Variants in YIF1B observed in about 807,000 individuals in gnomAD.
YIF1B encodes the protein protein YIF1B.
A neutral mutation model predicts 34.6 loss-of-function variants in YIF1B; 24 were observed. The observed-to-expected ratio is 0.69, with a 90% CI of 0.50 to 0.98. The LOEUF (loss-of-function observed/expected upper bound fraction) is 0.98, where lower values mean the gene tolerates loss of function less well. Among genes scored for constraint, YIF1B ranks in the 50% least tolerant of loss-of-function variants. The pLI, the probability that YIF1B is intolerant of heterozygous loss-of-function variation, is 0.00. For synonymous variants in YIF1B, 186 were observed against 184.8 expected (o/e 1.01, Z -0.05); for missense variants, 368 against 429.4 (o/e 0.86, Z 1.26).
chr19:38,317,870 G>A (rs1313035887), upstream of YIF1B, among the ~76,000 whole-genome samples: 1 of 150,622 alleles, frequency 6.6e-6, no homozygotes, highest in Admixed American at 6.6e-5. Context: ...ATGAAACACC[G>A]CACCCAGCCT....
upstream of YIF1B, among the ~76,000 whole-genome samples, chr19:38,316,311 G>T (rs937901572): frequency 6.6e-6 from 1 of 151,674 alleles, no homozygotes; most frequent in Non-Finnish European, 1.5e-5. Context: ...TTCGAGACTA[G>T]CCTGAGCAAC....
At chr19:38,316,959 C>T (rs1969572549), upstream of YIF1B, among the ~76,000 whole-genome samples, 2 of 152,156 alleles carry the variant, frequency 1.3e-5, no homozygotes, top group African/African-American at 4.8e-5. Flanking sequence ...CAGTGCCCGG[C>T]CTTAAAGTGA....
In YIF1B at chr19:38,304,871, C is replaced by A. The variant is rs7248001; in HGVS notation, c.*481G>T. ...CCCACGCTGCTGGCTCCAAGCAGCA[C>A]GAGAGCATCCCGGGCAAGGCCAAGA... On this transcript the variant is annotated 3_prime_UTR_variant, in exon 8 of 8. Coordinates refer to ENST00000339413, the MANE Select transcript of YIF1B (RefSeq NM_001039672.3). 1.2e-6 allele frequency: 2 copies of A among 1,613,662 alleles called. No homozygotes were observed. Among genetic ancestry groups the A allele is most frequent in the Middle Eastern group, 1.7e-4 (1 of 6,058 alleles).
rs1185535389 is a variant in YIF1B, at chr19:38,304,253, C to T, written c.*1099G>A. On this transcript the variant is annotated 3_prime_UTR_variant, in exon 8 of 8. Coordinates refer to ENST00000339413, the MANE Select transcript of YIF1B (RefSeq NM_001039672.3). ...CCCTTGGCCTTAGGACCCAACTTCT[C>T]TTACCGCCATGGAGTTCGACCTGGG... The T allele has an allele frequency of 6.2e-7, 1 of 1,613,548 alleles. No homozygotes were observed. Among genetic ancestry groups the T allele is most frequent in the African/African-American group, 1.3e-5 (1 of 74,934 alleles).
In YIF1B at chr19:38,309,004, G is replaced by A. The variant is rs1352838402; in HGVS notation, c.456C>T (p.Val152=). Residue 152 remains valine, a synonymous_variant, in exon 4 of 8, where the codon GTC becomes GTT. Coordinates refer to ENST00000339413, the MANE Select transcript of YIF1B (RefSeq NM_001039672.3). ...CTGGAATGTAGAGGTCCGGGGCATT[G>A]ACGTCAAAGCGGGGGGCCACCGGGG... ...QDTPVAPRFD[V]NAPDLYIPAM... 9.5e-6 allele frequency: 15 copies of A among 1,582,890 alleles called. No individual in the cohort carries two copies. The highest frequency in any genetic ancestry group is 1.1e-5 in the South Asian group (1 of 87,588).
At chr19:38,318,976 C>T (rs1439059815), upstream of YIF1B, among the ~76,000 whole-genome samples, 1 of 152,082 alleles carries the variant, frequency 6.6e-6, no homozygotes, top group Admixed American at 6.6e-5. Flanking sequence ...TCAGCTAGCC[C>T]CTTCCTCAGG....
In YIF1B at chr19:38,303,829, G is replaced by A. The variant is rs565354207; in HGVS notation, c.*1523C>T. ...CTCAGACGCTGCTCACCAAGCCGGA[G>A]GGGCTGTGGGAGCGAGTTAGAACAC... On this transcript the variant is annotated 3_prime_UTR_variant, in exon 8 of 8. Transcript: ENST00000339413. Among the ~76,000 whole-genome samples, 13 of 152,360 alleles carry A rather than the reference G, an allele frequency of 8.5e-5. No homozygotes were observed. The highest frequency in any genetic ancestry group is 8.5e-4 in the Admixed American group (13 of 15,304).
Position 38,305,327 on chromosome 19 carries a change from G to GCAT in YIF1B, c.*24_*25insATG. ...ACAGTGGCCCCCAGCAGCAGCAGCA[G>GCAT]CAGCGGGAGGTTCAGCGGGCGCGCT... is the stretch of plus-strand genomic sequence containing the variant. On this transcript the variant is annotated 3_prime_UTR_variant, in exon 8 of 8. Coordinates refer to ENST00000339413, the MANE Select transcript of YIF1B (RefSeq NM_001039672.3). 6.3e-7 allele frequency: 1 copy of GCAT among 1,591,778 alleles called. No homozygotes were observed. The highest frequency in any genetic ancestry group is 8.6e-7 in the Non-Finnish European group (1 of 1,165,818).
At chr19:38,316,244 G>A (rs1969548172), upstream of YIF1B, among the ~76,000 whole-genome samples, 1 of 152,130 alleles carries the variant, frequency 6.6e-6, no homozygotes, top group Non-Finnish European at 1.5e-5. Flanking sequence ...CGGGGCTCAC[G>A]CCCCTAACTC....
chr19:38,315,202 G>A (rs938913762), intron 1 of YIF1B, among the ~76,000 whole-genome samples: 2 of 149,186 alleles, frequency 1.3e-5, no homozygotes, highest in African/African-American at 2.5e-5. Context: ...CTGAGATCGC[G>A]CCATTGCACT....
upstream of YIF1B, chr19:38,320,038 G>T: frequency 6.7e-7 from 1 of 1,500,798 alleles, no homozygotes; most frequent in East Asian, 2.7e-5. Flanking sequence ...GCGGCTGGAG[G>T]GGCCGCACGA....
chr19:38,307,694 C>G lies in YIF1B; in HGVS notation c.598G>C (p.Glu200Gln), dbSNP rs750308729. 6.2e-7 allele frequency: 1 copy of G among 1,613,368 alleles called. No individual in the cohort carries two copies. Among genetic ancestry groups the G allele is most frequent in the South Asian group, 1.1e-5 (1 of 91,080 alleles). The change falls in exon 6 of 8, where the codon GAG (glutamate) becomes CAG (glutamine). Residue 200 changes from glutamate (E) to glutamine (Q), a missense_variant. This residue lies in a region of YIF1B where 208 missense variants were observed against 247.8 expected (regional missense o/e 0.84). Transcript: ENST00000339413. ...AGGCTGAGCAGGATGGCCAGCACCT[C>G]CAGGGTCAGCCAGGCCAGGGCTGAG... ...ASSALAWLTL[E>Q]VLAILLSLYL...
At position 38,305,313 on chromosome 19, in the gene YIF1B, C is replaced by CA; in HGVS notation, c.*38dup. On this transcript the variant is annotated 3_prime_UTR_variant, in exon 8 of 8. Coordinates refer to ENST00000339413, the MANE Select transcript of YIF1B (RefSeq NM_001039672.3). The stretch of plus-strand genomic sequence containing the variant: ...TGAGTTCGGCGGCCACAGTGGCCCC[C>CA]AGCAGCAGCAGCAGCAGCGGGAGGT... The CA allele has an allele frequency of 1.4e-6, 2 of 1,444,334 alleles. No homozygotes were observed. Among genetic ancestry groups the CA allele is most frequent in the Non-Finnish European group, 1.9e-6 (2 of 1,079,354 alleles). 89.5% of individuals were successfully genotyped at this position (1,444,334 alleles called of 1,614,324 possible).
chr19:38,309,160 C>T, intron 3 of YIF1B, 64 bp downstream of exon 3: 5 of 1,592,658 alleles, frequency 3.1e-6, no homozygotes, highest in Non-Finnish European at 4.3e-6. Flanking sequence ...CACCATGCAC[C>T]TGCCCCCACC....
chr19:38,318,879 G>T (rs78919442), upstream of YIF1B, among the ~76,000 whole-genome samples: 973 of 152,246 alleles, frequency 6.4e-3, 13 homozygotes, highest in East Asian at 0.051. Context: ...CTTACGGGGG[G>T]GCGCAGAAAG....
Position 38,309,205 on chromosome 19 carries a change from T to C in YIF1B, c.402+19A>G, listed in dbSNP as rs566925322. ...CCCACAGGCCCACTGCAGACCCACA[T>C]TCCCCTGGGGGTGCTGACCTGGTGT... On this transcript the variant is annotated intron_variant, in intron 3 of 7. Transcript: ENST00000339413. 6.2e-7 allele frequency: 1 copy of C among 1,611,580 alleles called. No homozygotes were observed. The highest frequency in any genetic ancestry group is 1.1e-5 in the South Asian group (1 of 90,918).
In YIF1B at chr19:38,304,868, G is replaced by A. The variant is rs1156534826; in HGVS notation, c.*484C>T. The A allele has an allele frequency of 6.2e-7, 1 of 1,613,776 alleles. No homozygotes were observed. Among genetic ancestry groups the A allele is most frequent in the Non-Finnish European group, 8.5e-7 (1 of 1,180,002 alleles). ...AGTCCCACGCTGCTGGCTCCAAGCA[G>A]CACGAGAGCATCCCGGGCAAGGCCA... On this transcript the variant is annotated 3_prime_UTR_variant, in exon 8 of 8. Coordinates refer to ENST00000339413, the MANE Select transcript of YIF1B (RefSeq NM_001039672.3).
In YIF1B at chr19:38,305,618, G is replaced by A. The variant is rs898511530; in HGVS notation, c.790-111C>T. 3.5e-6 allele frequency: 5 copies of A among 1,408,804 alleles called. No individual in the cohort carries two copies. The African/African-American group carries it at 7.2e-5, about 20-fold the overall frequency. 87.3% of individuals were successfully genotyped at this position (1,408,804 alleles called of 1,614,324 possible). On this transcript the variant is annotated intron_variant, in intron 7 of 7. Coordinates refer to ENST00000339413, the MANE Select transcript of YIF1B (RefSeq NM_001039672.3). ...CTGCCTAGAAGCCCCAGGCAGCTGGGGACAAGTCCCTGGCCCTCTGCAGCC... is the reference window on the plus strand; with the variant it reads ...CTGCCTAGAAGCCCCAGGCAGCTGGAGACAAGTCCCTGGCCCTCTGCAGCC...
At chr19:38,319,511 G>C (rs545965747), upstream of YIF1B, among the ~76,000 whole-genome samples, 37 of 152,310 alleles carry the variant, frequency 2.4e-4, no homozygotes, top group South Asian at 7.7e-3. Context: ...TTTGCCCCTT[G>C]CTCCGTCAGC....
Sources: allele counts gnomAD v4.1 joint callset (sites outside exome capture counted in the v4.1 genomes callset), GRCh38; gene constraint gnomAD v4.1.1; regional missense constraint gnomAD v4.1.1; transcripts MANE v1.5; gene names NCBI Gene and HGNC (gene_info 2026-07-23, HGNC 2026-07-21).